NKTR: variants seen among roughly 807,000 people sequenced by gnomAD.
NKTR encodes NK-tumor recognition protein.
NKTR carries 67 observed loss-of-function variants against 156.3 expected under a neutral mutation model. That is an observed-to-expected ratio of 0.43 (90% CI 0.35 to 0.53). The LOEUF is 0.53. Ranked by LOEUF, NKTR falls within the 20% of genes least tolerant of loss-of-function variation. The pLI is 0.01. For synonymous variants in NKTR, 640 were observed against 596.6 expected (o/e 1.07, Z -1.06); for missense variants, 1,604 against 1,730.9 (o/e 0.93, Z 1.30).
chr3:42,611,053 T>C (rs1706749302), intron 2 of NKTR: 1 of 152,260 alleles, frequency 6.6e-6, no homozygotes, highest in African/African-American at 2.4e-5. Context: ...TATGACTATA[T>C]GCAGTGATCA....
At chr3:42,616,630 T>G (rs889689453) in intron 2 of NKTR, among the ~76,000 whole-genome samples, 31 of 152,188 alleles carry the variant, frequency 2.0e-4, no homozygotes, top group African/African-American at 7.5e-4. Context: ...GAGACCAGAG[T>G]TTGAGAACCA....
At chr3:42,636,459 T>C (rs1466559671) in intron 12 of NKTR, among the ~76,000 whole-genome samples, 1 of 152,244 alleles carries the variant, frequency 6.6e-6, no homozygotes, top group African/African-American at 2.4e-5. Flanking sequence ...GCAGCTATCC[T>C]GCATCTTCAG....
At chr3:42,619,556 T>C in intron 4 of NKTR, 108 bp from the exon 5 acceptor site, 1 of 1,568,668 alleles carries the variant, frequency 6.4e-7, no homozygotes, top group Non-Finnish European at 8.6e-7. Context: ...ATTGCAGCAG[T>C]TATAACATTC....
chr3:42,624,463 A>G lies in NKTR; in HGVS notation c.374+2947A>G, dbSNP rs182447582. ...ATTCTTATTTTTTAGGTTAAAGAAT[A>G]GGAAGAAACCACAATAAAAGCTGGA... On this transcript the variant is annotated intron_variant, in intron 6 of 16. Transcript: ENST00000232978. Among the ~76,000 whole-genome samples, 26 of 152,254 alleles carry G rather than the reference A, an allele frequency of 1.7e-4. No individual in the cohort carries two copies. In the East Asian group the frequency reaches 5.0e-3, roughly 29 times the overall value.
At chr3:42,621,604 G>T in intron 6 of NKTR, 88 bp downstream of exon 6, 1 of 1,353,854 alleles carries the variant, frequency 7.4e-7, no homozygotes, top group Admixed American at 2.7e-5. Flanking sequence ...CAAGTTTAAT[G>T]CTAAAATTCT....
intron 11 of NKTR, 58 bp from the exon 12 acceptor site, chr3:42,635,163 C>CTT: frequency 4.3e-6 from 6 of 1,403,356 alleles, no homozygotes; most frequent in Non-Finnish European, 5.8e-6. Flanking sequence ...AACTCTGTCA[C>CTT]ATAGCAGACT....
rs967991041 is a variant in NKTR at position 42,647,026 on chromosome 3, G to T, written c.*1051G>T. On this transcript the variant is annotated 3_prime_UTR_variant, in exon 17 of 17. Coordinates refer to ENST00000232978, the MANE Select transcript of NKTR (RefSeq NM_005385.4). ...AAAATCTAACTGCCACCATCCTGGA[G>T]ACATTTTGCAGGGCTTTCCTTTCAA... 1 of 152,122 alleles carries T rather than the reference G, an allele frequency of 6.6e-6. No individual in the cohort carries two copies. Among genetic ancestry groups the T allele is most frequent in the Non-Finnish European group, 1.5e-5 (1 of 68,068 alleles). 9.4% of individuals were successfully genotyped at this position (152,122 alleles called of 1,614,324 possible).
chr3:42,632,727 A>G lies in NKTR; in HGVS notation c.677A>G (p.His226Arg), dbSNP rs1380746918. ...CATGAGAGAAGCAGAAGGAGGAAAC[A>G]TAAGAGGAGGCCAAAAGTTAAACGT... ...LEHERSRRRK[H>R]KRRPKVKRSK... The change falls in exon 9 of 17, where the codon CAT (histidine) becomes CGT (arginine). Residue 226 changes from histidine to arginine, a missense_variant. Around this residue, in one of 6 missense-constraint regions of NKTR, gnomAD observed 1,255 missense variants for 1,243.7 expected, o/e 1.01. Transcript: ENST00000232978. The G allele has an allele frequency of 4.3e-6, 7 of 1,613,652 alleles. No individual in the cohort carries two copies. The highest frequency in any genetic ancestry group is 1.7e-4 in the Middle Eastern group (1 of 6,056).
At position 42,638,434 on chromosome 3, in the gene NKTR, A is replaced by C; in HGVS notation, c.2730A>C (p.Glu910Asp). 1 of 1,613,404 alleles carries C rather than the reference A, an allele frequency of 6.2e-7. No homozygotes were observed. Among genetic ancestry groups the C allele is most frequent in the Admixed American group, 1.7e-5 (1 of 59,822 alleles). Residue 910 changes from glutamate (E) to aspartate (D), a missense_variant, in exon 13 of 17, where the codon GAA (glutamate) becomes GAC (aspartate). This residue lies in a region of NKTR where 1,255 missense variants were observed against 1,243.7 expected (regional missense o/e 1.01). Transcript: ENST00000232978. ...KNDSHPSSDK[E>D]EGEATSDSES... ...ACTCCCATCCATCCTCTGACAAGGA[A>C]GAAGGTGAGGCCACATCCGATTCTG...
At chr3:42,620,668 T>C in intron 5 of NKTR, 1 of 983,948 alleles carries the variant, frequency 1.0e-6, no homozygotes, top group Non-Finnish European at 1.2e-6. Context: ...AGGATATTCC[T>C]GCTGGAATTA....
chr3:42,604,986 G>T (rs528988714), intron 2 of NKTR, among the ~76,000 whole-genome samples: 1 of 151,902 alleles, frequency 6.6e-6, no homozygotes, highest in African/African-American at 2.4e-5. Context: ...CATCATGCCC[G>T]GCCGTATTTC....
chr3:42,635,078 A>AT, intron 11 of NKTR, 143 bp from the exon 12 acceptor site: 1 of 434,270 alleles, frequency 2.3e-6, no homozygotes, highest in Non-Finnish European at 3.8e-6. Context: ...AAAAAAAAAA[A>AT]GAACTTTAGA....
rs1709651392 is a variant in NKTR at position 42,638,900 on chromosome 3, C to T, written c.3196C>T (p.Leu1066Phe). Residue 1066 changes from leucine to phenylalanine, a missense_variant, in exon 13 of 17, where the codon CTT becomes TTT. This residue lies in a region of NKTR where 1,255 missense variants were observed against 1,243.7 expected (regional missense o/e 1.01). Transcript: ENST00000232978. The part of the protein sequence containing the change: ...LKTEKSSEED[L>F]SGKHDTVTVS... ...AACTGAGAAATCCAGTGAAGAGGAC[C>T]TTTCAGGTAAACATGATACAGTGAC... 6.2e-7 allele frequency: 1 copy of T among 1,612,682 alleles called. No homozygotes were observed. Among genetic ancestry groups the T allele is most frequent in the Non-Finnish European group, 8.5e-7 (1 of 1,179,154 alleles).
chr3:42,628,747 A>C (rs1708623548), intron 6 of NKTR: 1 of 940,302 alleles, frequency 1.1e-6, no homozygotes, highest in African/African-American at 1.8e-5. Flanking sequence ...CATGCCTATA[A>C]TCCCAGCACT....
rs1286947565 is a variant in NKTR at position 42,619,082 on chromosome 3, C to T, written c.196C>T (p.Arg66Cys). The T allele has an allele frequency of 1.2e-6, 2 of 1,607,318 alleles. No homozygotes were observed. The highest frequency in any genetic ancestry group is 1.7e-5 in the Admixed American group (1 of 59,048). Residue 66 changes from arginine (R) to cysteine (C), a missense_variant, in exon 4 of 17, where the codon CGT (arginine) becomes TGT (cysteine). Coordinates refer to ENST00000232978, the MANE Select transcript of NKTR (RefSeq NM_005385.4). The stretch of plus-strand genomic sequence containing the variant: ...ATGTTATAAAGGTTCTACGTTCCAT[C>T]GTGTGGTTAAAAACTTTATGATTCA... ...KLCYKGSTFHRVVKNFMIQGG... is the reference protein window; with the variant it reads ...KLCYKGSTFHCVVKNFMIQGG...
In NKTR at chr3:42,647,094, T is replaced by C. The variant is rs1323640850; in HGVS notation, c.*1119T>C. On this transcript the variant is annotated 3_prime_UTR_variant, in exon 17 of 17. Coordinates refer to ENST00000232978, the MANE Select transcript of NKTR (RefSeq NM_005385.4). ...TATTACCACAACAGCAGCTGAACTG[T>C]TGTAACCAGCATGTTTTTCCTATTT... The C allele has an allele frequency of 6.6e-6, 1 of 152,230 alleles. No homozygotes were observed. The highest frequency in any genetic ancestry group is 2.4e-5 in the African/African-American group (1 of 41,438). 9.4% of individuals were successfully genotyped at this position (152,230 alleles called of 1,614,324 possible). A position where few individuals can be genotyped will look rare whatever the true frequency, so the allele number is the denominator to read the frequency against.
intron 2 of NKTR, chr3:42,611,225 C>T (rs1163321852): frequency 6.6e-6 from 1 of 152,038 alleles, no homozygotes; most frequent in East Asian, 1.9e-4. Flanking sequence ...TGAGTTTTTG[C>T]TTGTACTATC....
At chr3:42,631,040 GC>G in intron 7 of NKTR, 130 bp from the exon 8 acceptor site, 1 of 1,436,168 alleles carries the variant, frequency 7.0e-7, no homozygotes, top group African/African-American at 1.4e-5. Flanking sequence ...CATTCTAGTT[GC>G]TTCATACAAC....
rs1245585095 is a variant in NKTR at position 42,615,453 on chromosome 3, A to AT, written c.59-2113dup. 2.6e-5 allele frequency among the ~76,000 whole-genome samples: 4 copies of AT among 151,422 alleles called. 1 individual carries two copies. Among genetic ancestry groups the AT allele is most frequent in the Admixed American group, 2.6e-4 (4 of 15,176 alleles). ...GAATATTGGATAGGAATGTAATCACATTTTAACTGTTTTCAAGTGTGTGTT... is the reference window on the plus strand; with the variant it reads ...GAATATTGGATAGGAATGTAATCACATTTTTAACTGTTTTCAAGTGTGTGTT... On this transcript the variant is annotated intron_variant, in intron 2 of 16. Coordinates refer to ENST00000232978, the MANE Select transcript of NKTR (RefSeq NM_005385.4).
Sources: gnomAD v4.1 joint callset for allele counts (sites outside exome capture counted in the v4.1 genomes callset) on GRCh38, gnomAD v4.1.1 for gene constraint, gnomAD v4.1.1 regional missense constraint, MANE v1.5 for transcripts, NCBI Gene and HGNC (gene_info 2026-07-23, HGNC 2026-07-21) for gene names.